Variants in GRIN2B observed in about 807,000 individuals in gnomAD.
The protein encoded by GRIN2B is glutamate receptor ionotropic, NMDA 2B.
In GRIN2B, 5 loss-of-function variants were observed where a neutral mutation model predicts 114.5. The ratio of observed to expected loss-of-function variants is 0.04; its 90% CI spans 0.02 to 0.09. The LOEUF (loss-of-function observed/expected upper bound fraction) is 0.09. GRIN2B is among the 10% of genes least tolerant of loss of function. The pLI is 1.00. For synonymous variants in GRIN2B, 787 were observed against 745.1 expected, an observed-to-expected ratio of 1.06 and a Z score of -0.92; for missense variants, 1,108 against 1,943.5, an observed-to-expected ratio of 0.57 and a Z score of 8.08.
Position 13,563,230 on chromosome 12 carries a change from G to A in GRIN2B, c.4008C>T (p.Tyr1336=), listed in dbSNP as rs764080484. Reference sequence around the variant, plus strand: ...CAGCTGACATCTCAAACATGTGGGCGTAGGGGCTCCCATCCATGAATCGGC... The same window carrying A: ...CAGCTGACATCTCAAACATGTGGGCATAGGGGCTCCCATCCATGAATCGGC... ...DKGRFMDGSP[Y]AHMFEMSAGE... Residue 1336 remains tyrosine (Y), a synonymous_variant, in exon 14 of 14, where the codon TAC becomes TAT. Coordinates refer to ENST00000609686, the MANE Select transcript of GRIN2B (RefSeq NM_000834.5). 49 of 1,614,094 alleles carry A rather than the reference G, an allele frequency of 3.0e-5. 1 individual carries two copies. The highest frequency in any genetic ancestry group is 2.3e-4 in the Admixed American group (14 of 60,010).
intron 3 of GRIN2B, among the ~76,000 whole-genome samples, chr12:13,795,387 C>A (rs375882959): frequency 1.4e-5 from 2 of 140,762 alleles, no homozygotes; most frequent in Non-Finnish European, 3.2e-5. Context: ...AAAAAAAAAA[C>A]GTTTTACAAT....
chr12:13,752,784 T>C (rs190225225), intron 4 of GRIN2B, among the ~76,000 whole-genome samples: 7 of 152,298 alleles, frequency 4.6e-5, no homozygotes, highest in Non-Finnish European at 1.0e-4. Context: ...AGAAAGAATA[T>C]CCTTCATACG....
chr12:13,886,250 T>A (rs1268515828), intron 2 of GRIN2B, among the ~76,000 whole-genome samples: 1 of 152,196 alleles, frequency 6.6e-6, no homozygotes, highest in African/African-American at 2.4e-5. Flanking sequence ...ATGTATTTCT[T>A]AATTGGAAAT....
At chr12:13,636,117 G>A (rs1949663649) in intron 5 of GRIN2B, among the ~76,000 whole-genome samples, 1 of 152,214 alleles carries the variant, frequency 6.6e-6, no homozygotes, top group Non-Finnish European at 1.5e-5. Flanking sequence ...TGACATGTGA[G>A]CAGAGGCTTG....
chr12:13,926,106 A>C (rs1866906358), intron 2 of GRIN2B, among the ~76,000 whole-genome samples: 1 of 152,140 alleles, frequency 6.6e-6, no homozygotes, highest in Non-Finnish European at 1.5e-5. Context: ...GAATAAATCC[A>C]TCTGGGGCAC....
At chr12:13,653,872 A>T (rs1004238464) in intron 5 of GRIN2B, among the ~76,000 whole-genome samples, 1 of 152,158 alleles carries the variant, frequency 6.6e-6, no homozygotes, top group African/African-American at 2.4e-5. Flanking sequence ...CTAATTGGTA[A>T]CATTAATTGT....
intron 3 of GRIN2B, among the ~76,000 whole-genome samples, chr12:13,812,819 G>T (rs1476265687): frequency 6.6e-6 from 1 of 151,714 alleles, no homozygotes; most frequent in Non-Finnish European, 1.5e-5. Flanking sequence ...TTATGGACTT[G>T]TCCTTAACGT....
chr12:13,590,729 A>G (rs1186855143), intron 10 of GRIN2B, among the ~76,000 whole-genome samples: 1 of 152,194 alleles, frequency 6.6e-6, no homozygotes, highest in Non-Finnish European at 1.5e-5. Flanking sequence ...GTGTCTTTAT[A>G]GTAGAATGAT....
intron 4 of GRIN2B, among the ~76,000 whole-genome samples, chr12:13,686,058 C>A (rs930807976): frequency 6.6e-6 from 1 of 152,058 alleles, no homozygotes; most frequent in African/African-American, 2.4e-5. Flanking sequence ...ATGAGAAAAA[C>A]CACAATGCAA....
At chr12:13,907,185 G>A (rs1214337071) in intron 2 of GRIN2B, among the ~76,000 whole-genome samples, 1 of 152,134 alleles carries the variant, frequency 6.6e-6, no homozygotes, top group East Asian at 1.9e-4. Context: ...TCATAGGTAA[G>A]ATGCTAAGAA....
At chr12:13,610,427 C>G (rs1469497274) in intron 9 of GRIN2B, among the ~76,000 whole-genome samples, 3 of 152,106 alleles carry the variant, frequency 2.0e-5, no homozygotes, top group Non-Finnish European at 4.4e-5. Flanking sequence ...CTTGACATTG[C>G]CAACCTAAGT....
chr12:13,885,414 G>A (rs1202482339), intron 2 of GRIN2B, among the ~76,000 whole-genome samples: 1 of 152,144 alleles, frequency 6.6e-6, no homozygotes, highest in Non-Finnish European at 1.5e-5. Context: ...ATTCCTAAGA[G>A]ATCTTCCTCA....
intron 3 of GRIN2B, among the ~76,000 whole-genome samples, chr12:13,775,689 T>A (rs561476433): frequency 1.3e-5 from 2 of 152,226 alleles, no homozygotes; most frequent in East Asian, 3.8e-4. Context: ...AAGCAGTATA[T>A]GAAAAGTGTA....
chr12:13,894,803 T>G (rs1445072965), intron 2 of GRIN2B, among the ~76,000 whole-genome samples: 1 of 152,136 alleles, frequency 6.6e-6, no homozygotes, highest in African/African-American at 2.4e-5. Flanking sequence ...GCCACTAAAT[T>G]TTTAAGGCTG....
At chr12:13,619,539 C>T (rs1949490705) in intron 5 of GRIN2B, among the ~76,000 whole-genome samples, 1 of 152,066 alleles carries the variant, frequency 6.6e-6, no homozygotes, top group Admixed American at 6.5e-5. Flanking sequence ...CCCTCTATCA[C>T]ACCCTTTCCC....
intron 2 of GRIN2B, among the ~76,000 whole-genome samples, chr12:13,943,833 G>A (rs571368864): frequency 3.9e-5 from 6 of 152,088 alleles, no homozygotes; most frequent in East Asian, 3.9e-4. Flanking sequence ...CATCACTCTC[G>A]TCTATGATCA....
intron 5 of GRIN2B, among the ~76,000 whole-genome samples, chr12:13,651,292 A>G (rs1175824403): frequency 6.6e-6 from 1 of 152,126 alleles, no homozygotes; most frequent in African/African-American, 2.4e-5. Context: ...TCTGTCCTGC[A>G]TTAAAACCAG....
intron 10 of GRIN2B, among the ~76,000 whole-genome samples, chr12:13,573,148 T>C: frequency 6.7e-6 from 1 of 149,388 alleles, no homozygotes; most frequent in East Asian, 1.9e-4. Context: ...TTAACTAATA[T>C]AATGCATAAG....
rs1863530359 is a variant in GRIN2B, at chr12:13,753,714, G to A, written c.613C>T (p.Leu205=). The A allele has an allele frequency of 6.2e-7, 1 of 1,614,148 alleles. No individual in the cohort carries two copies. The highest frequency in any genetic ancestry group is 8.5e-7 in the Non-Finnish European group (1 of 1,179,968). ...TCTCCATCGTCCAGGGACATGTCCA[G>A]TAGGAGGACCTCCTCTAGCTCCCAG... ...VGWELEEVLL[L]DMSLDDGDSK... is the part of the protein sequence containing the mutation. Residue 205 remains leucine (L), a synonymous_variant, in exon 4 of 14, where the codon CTG becomes TTG. Coordinates refer to ENST00000609686, the MANE Select transcript of GRIN2B (RefSeq NM_000834.5). This position sits in a 1 kb window ranked among gnomAD's most constrained non-coding sequence, Gnocchi z 6.2.
Sources: gnomAD v4.1 joint callset for allele counts (sites outside exome capture counted in the v4.1 genomes callset) on GRCh38, gnomAD v4.1.1 for gene constraint, Gnocchi (gnomAD v3.1) non-coding constraint, MANE v1.5 for transcripts, NCBI Gene and HGNC (gene_info 2026-07-23, HGNC 2026-07-21) for gene names.